The following RGS6 variants were observed in gnomAD, a reference collection of about 807,000 sequenced individuals.
The protein encoded by RGS6 is regulator of G protein signaling 6, also known as regulator of G-protein signaling 6.
RGS6 carries 30 observed loss-of-function variants against 78.5 expected under a neutral mutation model. That is an observed-to-expected ratio of 0.38 (90% confidence interval 0.29 to 0.52). The LOEUF (loss-of-function observed/expected upper bound fraction) is 0.52, where lower values mean the gene tolerates loss of function less well. RGS6 is among the 20% of genes least tolerant of loss of function. RGS6 has a pLI of 0.85. For missense variants in RGS6, 495 were observed against 609.7 expected (o/e 0.81, Z 1.98); for synonymous variants, 206 against 206.0 (o/e 1.00, Z 0.00).
At chr14:72,549,188 G>A (rs935222076) in intron 17 of RGS6, among the ~76,000 whole-genome samples, 10 of 152,254 alleles carry the variant, frequency 6.6e-5, no homozygotes, top group South Asian at 2.1e-4. Flanking sequence ...AAGGGAAACC[G>A]TCAGGAAGTG....
chr14:72,599,089 C>T, the RGS6 span, among the ~76,000 whole-genome samples: 6 of 152,340 alleles, frequency 3.9e-5, no homozygotes, highest in East Asian at 9.7e-4. Context: ...AGCAAGCCTC[C>T]ACCTCAGTTC....
intron 2 of RGS6, among the ~76,000 whole-genome samples, chr14:72,232,671 G>A (rs1433334824): frequency 6.6e-6 from 1 of 152,138 alleles, no homozygotes; most frequent in Non-Finnish European, 1.5e-5. Context: ...GGGAGGTGAG[G>A]GGACTCTCCT....
chr14:71,926,585 G>GAAAAAAAAA, the RGS6 span, among the ~76,000 whole-genome samples: 1,825 of 51,136 alleles, frequency 0.036, 86 homozygotes, highest in African/African-American at 0.064. Context: ...CTCTGTCTCA[G>GAAAAAAAAA]AAAAAAAAAA....
chr14:72,600,827 TC>T, the RGS6 span, among the ~76,000 whole-genome samples: 1 of 151,752 alleles, frequency 6.6e-6, no homozygotes, highest in East Asian at 1.9e-4. Flanking sequence ...TCCCAGCCTC[TC>T]CCCTGCCGCA....
At chr14:72,255,549 T>C (rs934949238) in intron 2 of RGS6, among the ~76,000 whole-genome samples, 5 of 152,212 alleles carry the variant, frequency 3.3e-5, no homozygotes, top group Non-Finnish European at 7.3e-5. Context: ...AGACTCTGAA[T>C]TTGTTTTCTC....
At chr14:72,027,056 CGT>C in intron 2 of RGS6, among the ~76,000 whole-genome samples, 1 of 152,088 alleles carries the variant, frequency 6.6e-6, no homozygotes, top group South Asian at 2.1e-4. Context: ...AGGATGCCTG[CGT>C]GTCTGGGGAA....
chr14:72,113,764 G>A (rs1419027239), intron 2 of RGS6, among the ~76,000 whole-genome samples: 2 of 152,132 alleles, frequency 1.3e-5, no homozygotes, highest in African/African-American at 4.8e-5. Context: ...ACATCTTTCA[G>A]GCTTAGACTT....
chr14:72,156,530 C>T (rs1030552829), intron 2 of RGS6, among the ~76,000 whole-genome samples: 2 of 150,824 alleles, frequency 1.3e-5, no homozygotes, highest in Admixed American at 6.6e-5. Flanking sequence ...CATGTTCATA[C>T]GTTCACCTTT....
intron 15 of RGS6, among the ~76,000 whole-genome samples, chr14:72,518,999 A>G (rs2096992196): frequency 6.6e-6 from 1 of 152,338 alleles, no homozygotes; most frequent in African/African-American, 2.4e-5. Flanking sequence ...AAGCACATCT[A>G]TATTCCAGGC....
At chr14:72,593,821 CTCTTCT>C in the RGS6 span, among the ~76,000 whole-genome samples, 1 of 152,220 alleles carries the variant, frequency 6.6e-6, no homozygotes, top group Non-Finnish European at 1.5e-5. Flanking sequence ...GCCACCCCAC[CTCTTCT>C]TAGAATGTCC....
the RGS6 span, among the ~76,000 whole-genome samples, chr14:72,572,435 G>A: frequency 2.3e-3 from 350 of 152,264 alleles, 3 homozygotes; most frequent in African/African-American, 7.0e-3. Context: ...AAAATGTGAC[G>A]TATTCATACC....
At chr14:72,495,461 C>T (rs1253273270) in intron 13 of RGS6, among the ~76,000 whole-genome samples, 199 bp downstream of exon 13, 3 of 152,188 alleles carry the variant, frequency 2.0e-5, no homozygotes, top group Non-Finnish European at 4.4e-5. Flanking sequence ...CTTTGTGGCT[C>T]CCCTCTGACC....
intron 2 of RGS6, among the ~76,000 whole-genome samples, chr14:72,042,772 T>G (rs1217144202): frequency 6.6e-6 from 1 of 152,190 alleles, no homozygotes; most frequent in Non-Finnish European, 1.5e-5. Flanking sequence ...TGGGAGGTTA[T>G]TATAAATATG....
At chr14:72,063,396 C>A (rs1752307154) in intron 2 of RGS6, among the ~76,000 whole-genome samples, 1 of 152,116 alleles carries the variant, frequency 6.6e-6, no homozygotes, top group South Asian at 2.1e-4. Context: ...CAGGATATAG[C>A]AGCATGGAGA....
At chr14:72,259,236 AT>A (rs769819254) in intron 2 of RGS6, among the ~76,000 whole-genome samples, 11 of 152,218 alleles carry the variant, frequency 7.2e-5, no homozygotes, top group Non-Finnish European at 1.2e-4. Flanking sequence ...CAAAAATAAC[AT>A]TTTTAAGTTT....
chr14:72,177,983 C>A (rs982789278), intron 2 of RGS6, among the ~76,000 whole-genome samples: 1 of 152,210 alleles, frequency 6.6e-6, no homozygotes, highest in African/African-American at 2.4e-5. Flanking sequence ...CTTCCTCCCC[C>A]ACTTTTTGCT....
chr14:71,909,724 C>T, the RGS6 span, among the ~76,000 whole-genome samples: 3 of 152,050 alleles, frequency 2.0e-5, no homozygotes, highest in Admixed American at 6.5e-5. Flanking sequence ...AGCTGCACTC[C>T]GAAAGCTCAC....
At chr14:72,330,309 A>C (rs2074715665) in intron 2 of RGS6, among the ~76,000 whole-genome samples, 1 of 152,232 alleles carries the variant, frequency 6.6e-6, no homozygotes, top group Non-Finnish European at 1.5e-5. Context: ...AGGGAGCAAC[A>C]CTTCTGCAAA....
chr14:71,892,035 T>C, the RGS6 span, among the ~76,000 whole-genome samples: 1 of 152,232 alleles, frequency 6.6e-6, no homozygotes, highest in Non-Finnish European at 1.5e-5. Flanking sequence ...TTCTCTGAAA[T>C]AGCTTTCACA....
Sources: allele counts gnomAD v4.1 joint callset (sites outside exome capture counted in the v4.1 genomes callset), GRCh38; gene constraint gnomAD v4.1.1; transcripts MANE v1.5; gene names NCBI Gene and HGNC (gene_info 2026-07-23, HGNC 2026-07-21).